Variants in TASP1 observed in about 807,000 individuals in gnomAD.
The protein encoded by TASP1 is taspase 1.
TASP1 carries 16 observed loss-of-function variants against 56.6 expected under a neutral mutation model. The observed-to-expected ratio is 0.28, with a 90% CI of 0.19 to 0.43. The LOEUF (loss-of-function observed/expected upper bound fraction) is 0.43, where lower values mean the gene tolerates loss of function less well. Ranked by LOEUF, TASP1 falls within the 20% of genes least tolerant of loss-of-function variation. The pLI is 1.00. For missense variants in TASP1, 393 were observed against 511.6 expected, an observed-to-expected ratio of 0.77 and a Z score of 2.24; for synonymous variants, 179 against 184.2, an observed-to-expected ratio of 0.97 and a Z score of 0.23.
the TASP1 span, among the ~76,000 whole-genome samples, chr20:13,372,396 TG>T: frequency 6.6e-6 from 1 of 152,148 alleles, no homozygotes; most frequent in Non-Finnish European, 1.5e-5. Flanking sequence ...AACCGTATCC[TG>T]GGCTCTCCTG....
intron 11 of TASP1, among the ~76,000 whole-genome samples, chr20:13,436,256 G>C (rs2042997039): frequency 6.6e-6 from 1 of 152,026 alleles, no homozygotes. Context: ...AAGATGGTAG[G>C]TTGACAGTGT....
the TASP1 span, among the ~76,000 whole-genome samples, chr20:13,250,253 T>G: frequency 6.6e-6 from 1 of 152,198 alleles, no homozygotes; most frequent in African/African-American, 2.4e-5. Flanking sequence ...CACTGGGTAC[T>G]GTGTCCAATT....
intron 10 of TASP1, among the ~76,000 whole-genome samples, chr20:13,510,085 G>C (rs765428403): frequency 5.9e-5 from 9 of 151,870 alleles, no homozygotes; most frequent in African/African-American, 7.3e-5. Flanking sequence ...TAAAATGAAA[G>C]TTAATAAATA....
chr20:13,264,546 C>A, the TASP1 span, among the ~76,000 whole-genome samples: 157 of 152,340 alleles, frequency 1.0e-3, 1 homozygote, highest in South Asian at 0.032. Flanking sequence ...GTCCAAAAAA[C>A]CTCACTCCCT....
chr20:13,253,120 C>A, the TASP1 span, among the ~76,000 whole-genome samples: 1 of 152,144 alleles, frequency 6.6e-6, no homozygotes, highest in Non-Finnish European at 1.5e-5. Context: ...TACTTGCTAC[C>A]CAAGCAGACC....
At chr20:13,534,372 TTTCTC>T (rs2045337192) in intron 8 of TASP1, among the ~76,000 whole-genome samples, 1 of 152,020 alleles carries the variant, frequency 6.6e-6, no homozygotes, top group African/African-American at 2.4e-5. Flanking sequence ...TCCTGTTGCT[TTTCTC>T]TAATAATAAG....
At chr20:13,450,553 CAAG>C (rs1270274920) in intron 11 of TASP1, among the ~76,000 whole-genome samples, 4 of 152,094 alleles carry the variant, frequency 2.6e-5, no homozygotes, top group African/African-American at 4.8e-5. Flanking sequence ...GATTTCATCT[CAAG>C]AAATCACTTT....
chr20:13,556,073 G>C (rs542415775), intron 8 of TASP1, among the ~76,000 whole-genome samples: 5 of 152,064 alleles, frequency 3.3e-5, no homozygotes, highest in African/African-American at 9.7e-5. Context: ...GGTTAAGAAA[G>C]TTACTGATTT....
intron 12 of TASP1, among the ~76,000 whole-genome samples, chr20:13,417,779 CT>C (rs1236091875): frequency 2.0e-5 from 3 of 152,014 alleles, no homozygotes; most frequent in Non-Finnish European, 4.4e-5. Context: ...CTGTTTGACT[CT>C]TGTAACATTA....
At chr20:13,580,346 C>G (rs1201735028) in intron 6 of TASP1, among the ~76,000 whole-genome samples, 1 of 152,180 alleles carries the variant, frequency 6.6e-6, no homozygotes, top group African/African-American at 2.4e-5. Flanking sequence ...ACTCAGGAGG[C>G]TGAGGCAGGA....
chr20:13,448,424 G>A (rs552832009), intron 11 of TASP1, among the ~76,000 whole-genome samples: 1 of 152,056 alleles, frequency 6.6e-6, no homozygotes, highest in African/African-American at 2.4e-5. Flanking sequence ...ACATCAGCTT[G>A]ACAAATACTC....
Position 13,576,615 on chromosome 20 carries a change from A to G in TASP1, c.488+4282T>C, listed in dbSNP as rs150462660. Among the ~76,000 whole-genome samples, 779 of 152,304 alleles carry G rather than the reference A, an allele frequency of 5.1e-3. 6 individuals carry two copies. Among genetic ancestry groups the G allele is most frequent in the African/African-American group, 0.017 (702 of 41,576 alleles). ...GCTGTGCAAGATCTATACACTGGAA[A>G]CTATAAAACAGTTGGGAGCGTTTAA... On this transcript the variant is annotated intron_variant, in intron 6 of 13. Coordinates refer to ENST00000337743, the MANE Select transcript of TASP1 (RefSeq NM_017714.3).
At chr20:13,129,042 A>G in the TASP1 span, among the ~76,000 whole-genome samples, 1 of 151,528 alleles carries the variant, frequency 6.6e-6, no homozygotes, top group Non-Finnish European at 1.5e-5. Flanking sequence ...ATGCCTGGCT[A>G]TTTTTGTATT....
At chr20:13,353,007 T>A in the TASP1 span, among the ~76,000 whole-genome samples, 1 of 152,032 alleles carries the variant, frequency 6.6e-6, no homozygotes, top group Non-Finnish European at 1.5e-5. Flanking sequence ...GAGGCCAAGA[T>A]GGGAGGATTG....
intron 13 of TASP1, among the ~76,000 whole-genome samples, chr20:13,402,852 G>T (rs1357875009): frequency 6.6e-6 from 1 of 152,228 alleles, no homozygotes; most frequent in East Asian, 1.9e-4. Context: ...CCACTGCCCA[G>T]TGCTCAGTGG....
At chr20:13,311,254 TA>T in the TASP1 span, among the ~76,000 whole-genome samples, 2,845 of 135,422 alleles carry the variant, frequency 0.021, 81 homozygotes, top group African/African-American at 0.072. Flanking sequence ...GATAGATAGA[TA>T]GATAGATAGA....
intron 4 of TASP1, among the ~76,000 whole-genome samples, chr20:13,595,793 C>G (rs1366606307): frequency 2.6e-5 from 4 of 152,114 alleles, no homozygotes; most frequent in Non-Finnish European, 5.9e-5. Context: ...TTTAACATCC[C>G]ACTGTCAATA....
intron 10 of TASP1, among the ~76,000 whole-genome samples, chr20:13,484,131 T>C (rs1346958451): frequency 6.6e-6 from 1 of 151,886 alleles, no homozygotes; most frequent in African/African-American, 2.4e-5. Flanking sequence ...CAGATAGAAA[T>C]GCAATCATTA....
chr20:13,105,182 CAGA>C, the TASP1 span, among the ~76,000 whole-genome samples: 1 of 152,062 alleles, frequency 6.6e-6, no homozygotes, highest in Non-Finnish European at 1.5e-5. Flanking sequence ...AAGGTGGGGC[CAGA>C]ATCCAGGCCG....
Sources: allele counts gnomAD v4.1 joint callset (sites outside exome capture counted in the v4.1 genomes callset), GRCh38; gene constraint gnomAD v4.1.1; transcripts MANE v1.5; gene names NCBI Gene and HGNC (gene_info 2026-07-23, HGNC 2026-07-21).